Variants in CSMD3 observed in about 807,000 individuals in gnomAD.
CSMD3 encodes the protein CUB and Sushi multiple domains 3, also known as CUB and sushi domain-containing protein 3.
Under a neutral mutation model 435.2 loss-of-function variants are expected in CSMD3, and 177 were observed. The ratio of observed to expected loss-of-function variants is 0.41; its 90% CI spans 0.36 to 0.46. The LOEUF is 0.46. CSMD3 is among the 20% of genes least tolerant of loss of function. The pLI is 0.34. For missense variants in CSMD3, 4,265 were observed against 4,504.6 expected (o/e 0.95, Z 1.52); for synonymous variants, 1,656 against 1,520.5 (o/e 1.09, Z -2.07).
chr8:112,457,701 G>A (rs79382520), intron 32 of CSMD3, among the ~76,000 whole-genome samples: 2,190 of 152,020 alleles, frequency 0.014, 51 homozygotes, highest in African/African-American at 0.05. Flanking sequence ...AAGCATTTAG[G>A]CCTCCTCATT....
intron 6 of CSMD3, among the ~76,000 whole-genome samples, chr8:113,003,248 A>AAAATAAAT (rs1164601829): frequency 2.0e-5 from 3 of 152,012 alleles, no homozygotes; most frequent in Non-Finnish European, 4.4e-5. Context: ...TCTGTCTCAA[A>AAAATAAAT]AAATAAATAA....
chr8:113,090,877 T>A (rs2089979886), intron 5 of CSMD3, among the ~76,000 whole-genome samples: 2 of 152,086 alleles, frequency 1.3e-5, no homozygotes, highest in Admixed American at 1.3e-4. Flanking sequence ...GTATTTCAAA[T>A]AAATCTCACT....
chr8:112,598,518 C>G (rs1240217408), intron 22 of CSMD3, among the ~76,000 whole-genome samples: 1 of 147,298 alleles, frequency 6.8e-6, no homozygotes, highest in Admixed American at 6.8e-5. Flanking sequence ...GAAAAAACTA[C>G]TTTAAAGTTC....
chr8:112,560,415 GATGCTCAGTA>G (rs1828516580), intron 24 of CSMD3, among the ~76,000 whole-genome samples: 1 of 151,702 alleles, frequency 6.6e-6, no homozygotes, highest in Non-Finnish European at 1.5e-5. Context: ...AGACAGGCTA[GATGCTCAGTA>G]ATGCTCAGTA....
chr8:112,567,362 T>C (rs1170783419), intron 24 of CSMD3, among the ~76,000 whole-genome samples: 1 of 152,164 alleles, frequency 6.6e-6, no homozygotes. Flanking sequence ...AAATTACTTC[T>C]AAATGTAGTT....
At chr8:112,271,582 A>G (rs1817539198) in intron 59 of CSMD3, among the ~76,000 whole-genome samples, 1 of 152,152 alleles carries the variant, frequency 6.6e-6, no homozygotes, top group Admixed American at 6.5e-5. Flanking sequence ...TAGGGTTTAA[A>G]TCTTACATTC....
intron 38 of CSMD3, among the ~76,000 whole-genome samples, chr8:112,370,925 T>C (rs1828332971): frequency 6.6e-6 from 1 of 152,158 alleles, no homozygotes; most frequent in African/African-American, 2.4e-5. Context: ...AATGAAGATA[T>C]AGGCATTGAG....
intron 24 of CSMD3, among the ~76,000 whole-genome samples, chr8:112,569,393 T>C (rs547936820): frequency 1.3e-5 from 2 of 152,284 alleles, no homozygotes; most frequent in South Asian, 2.1e-4. Flanking sequence ...GTTTAGGCCA[T>C]GGTAAGGTTT....
intron 3 of CSMD3, among the ~76,000 whole-genome samples, chr8:113,187,147 T>A (rs917123892): frequency 6.6e-6 from 1 of 151,768 alleles, no homozygotes; most frequent in Non-Finnish European, 1.5e-5. Context: ...GAGTTTTTTT[T>A]TTTCTTCTTC....
At chr8:112,782,647 T>C (rs1354774413) in intron 13 of CSMD3, among the ~76,000 whole-genome samples, 1 of 152,014 alleles carries the variant, frequency 6.6e-6, no homozygotes, top group Non-Finnish European at 1.5e-5. Context: ...AGGCATCTAA[T>C]AATCAAACTC....
At chr8:112,565,077 T>G (rs1828956821) in intron 24 of CSMD3, among the ~76,000 whole-genome samples, 1 of 152,076 alleles carries the variant, frequency 6.6e-6, no homozygotes, top group Non-Finnish European at 1.5e-5. Flanking sequence ...ATGAAGAAAT[T>G]TAATATTGTC....
intron 41 of CSMD3, among the ~76,000 whole-genome samples, chr8:112,342,379 T>G (rs1825208020): frequency 6.6e-6 from 1 of 152,114 alleles, no homozygotes; most frequent in African/African-American, 2.4e-5. Context: ...GTATATTTGC[T>G]TAATTAATTT....
intron 22 of CSMD3, among the ~76,000 whole-genome samples, chr8:112,595,971 C>A (rs201343039): frequency 4.3e-4 from 59 of 137,758 alleles, no homozygotes; most frequent in South Asian, 4.1e-3. Context: ...CGAGCAAAAT[C>A]ACCAGCTAAC....
intron 22 of CSMD3, among the ~76,000 whole-genome samples, chr8:112,628,436 C>T (rs905494522): frequency 6.6e-6 from 1 of 151,802 alleles, no homozygotes; most frequent in Non-Finnish European, 1.5e-5. Flanking sequence ...ACTTATTAGA[C>T]TTGAGAGATT....
intron 24 of CSMD3, among the ~76,000 whole-genome samples, chr8:112,573,195 T>A (rs138328465): frequency 6.6e-6 from 1 of 152,120 alleles, no homozygotes; most frequent in African/African-American, 2.4e-5. Context: ...AAAAGTTTCA[T>A]TGTATTTCTT....
At chr8:113,085,042 G>A (rs2089708906) in intron 5 of CSMD3, among the ~76,000 whole-genome samples, 3 of 152,136 alleles carry the variant, frequency 2.0e-5, no homozygotes, top group South Asian at 4.1e-4. Context: ...AAACACACTT[G>A]AGGACATTGG....
chr8:112,738,156 T>C (rs2077226387), intron 13 of CSMD3, among the ~76,000 whole-genome samples: 1 of 151,726 alleles, frequency 6.6e-6, no homozygotes, highest in East Asian at 1.9e-4. Context: ...CAGGGATCCA[T>C]AAGTATGCTT....
chr8:112,970,369 T>G (rs1235871145), intron 7 of CSMD3, among the ~76,000 whole-genome samples: 1 of 142,036 alleles, frequency 7.0e-6, no homozygotes, highest in Non-Finnish European at 1.5e-5. Context: ...GCACTCCAGC[T>G]TGGGTGACAG....
chr8:112,699,426 C>G (rs1232125510), intron 13 of CSMD3, among the ~76,000 whole-genome samples: 2 of 152,052 alleles, frequency 1.3e-5, no homozygotes, highest in African/African-American at 4.8e-5. Flanking sequence ...GGAACCAATT[C>G]CGAACACAGA....
Sources: gnomAD v4.1 joint callset for allele counts (sites outside exome capture counted in the v4.1 genomes callset) on GRCh38, gnomAD v4.1.1 for gene constraint, MANE v1.5 for transcripts, NCBI Gene and HGNC (gene_info 2026-07-23, HGNC 2026-07-21) for gene names.